Variants in CTNNA2 observed in about 807,000 individuals in gnomAD.
CTNNA2 encodes catenin alpha 2.
CTNNA2 carries 42 observed loss-of-function variants against 101.0 expected under a neutral mutation model. That is an observed-to-expected ratio of 0.42 (90% confidence interval 0.32 to 0.54). The LOEUF (loss-of-function observed/expected upper bound fraction) is 0.54, where lower values mean the gene tolerates loss of function less well. CTNNA2 is among the 20% of genes least tolerant of loss of function. The probability of loss-of-function intolerance (pLI) is 0.14; values close to 1 mark genes in which losing one functional copy is unlikely to be tolerated. For synonymous variants in CTNNA2, 450 were observed against 456.4 expected (o/e 0.99, Z 0.18); for missense variants, 871 against 1,223.1 (o/e 0.71, Z 4.29).
intron 4 of CTNNA2, among the ~76,000 whole-genome samples, chr2:79,402,702 T>C (rs1468270670): frequency 6.6e-6 from 1 of 151,830 alleles, no homozygotes; most frequent in African/African-American, 2.4e-5. Context: ...CTCAATGCAT[T>C]TGGAACATTA....
chr2:79,286,464 C>G (rs1274001409), intron 2 of CTNNA2, among the ~76,000 whole-genome samples: 3 of 151,860 alleles, frequency 2.0e-5, no homozygotes, highest in Non-Finnish European at 4.4e-5. Context: ...GACAAAATCT[C>G]TCAGCATTTG....
At chr2:79,537,755 A>C (rs1246414616) in intron 1 of CTNNA2, among the ~76,000 whole-genome samples, 1 of 151,498 alleles carries the variant, frequency 6.6e-6, no homozygotes, top group African/African-American at 2.4e-5. Context: ...TGCATCCTAG[A>C]ACATAATTTT....
At chr2:80,465,329 A>G (rs1470221720) in intron 9 of CTNNA2, among the ~76,000 whole-genome samples, 2 of 152,190 alleles carry the variant, frequency 1.3e-5, no homozygotes, top group African/African-American at 4.8e-5. Flanking sequence ...ATTATGAATT[A>G]TATTTATTCC....
intron 9 of CTNNA2, among the ~76,000 whole-genome samples, chr2:80,455,144 G>A (rs1442634406): frequency 1.3e-5 from 2 of 152,252 alleles, no homozygotes; most frequent in Non-Finnish European, 2.9e-5. Context: ...TGGTTAGGTT[G>A]GGGTAATGAG....
At position 79,724,295 on chromosome 2, in the gene CTNNA2, A is replaced by T. The variant is rs1004450584; in HGVS notation, c.103-20092A>T. ...AAAAAAACAATACAAAACAAAACAA[A>T]GAAACTGCAAGAAGTTCCCTACAAG... On this transcript the variant is annotated intron_variant, in intron 2 of 18. Coordinates refer to ENST00000402739, the MANE Select transcript of CTNNA2 (RefSeq NM_001282597.3). Among the ~76,000 whole-genome samples, 134 of 151,908 alleles carry T rather than the reference A, an allele frequency of 8.8e-4. 1 individual carries two copies. Among genetic ancestry groups the T allele is most frequent in the African/African-American group, 3.1e-3 (130 of 41,390 alleles).
At chr2:79,634,527 G>A (rs1333070877) in intron 1 of CTNNA2, 3 of 152,162 alleles carry the variant, frequency 2.0e-5, no homozygotes, top group African/African-American at 7.2e-5. Flanking sequence ...CGAATTCACT[G>A]TTCCATCCTC....
chr2:79,407,332 G>T (rs1002045333), intron 4 of CTNNA2, among the ~76,000 whole-genome samples: 2 of 151,912 alleles, frequency 1.3e-5, no homozygotes, highest in African/African-American at 4.8e-5. Flanking sequence ...ACAATGTAGG[G>T]GATAATTCTG....
chr2:80,520,299 C>G (rs1689430403), intron 9 of CTNNA2, among the ~76,000 whole-genome samples: 1 of 151,944 alleles, frequency 6.6e-6, no homozygotes, highest in South Asian at 2.1e-4. Flanking sequence ...TGGCCTGTGC[C>G]ATCCCCTTTT....
intron 2 of CTNNA2, among the ~76,000 whole-genome samples, chr2:79,738,570 A>G (rs544770607): frequency 1.3e-5 from 2 of 152,328 alleles, no homozygotes; most frequent in Admixed American, 6.5e-5. Context: ...ACGGTAATGT[A>G]TGTTCCTTTT....
chr2:80,251,890 G>C (rs1459607747), intron 7 of CTNNA2, among the ~76,000 whole-genome samples: 1 of 152,122 alleles, frequency 6.6e-6, no homozygotes, highest in East Asian at 1.9e-4. Flanking sequence ...TGAAATCCCT[G>C]TTCTAGTAAT....
At chr2:79,846,544 A>G (rs1393501742) in intron 3 of CTNNA2, among the ~76,000 whole-genome samples, 1 of 152,250 alleles carries the variant, frequency 6.6e-6, no homozygotes, top group African/African-American at 2.4e-5. Flanking sequence ...ATCCAAACTG[A>G]TATACAAAGG....
At position 80,360,986 on chromosome 2, in the gene CTNNA2, C is replaced by T. The variant is rs571681263; in HGVS notation, c.1057-32225C>T. On this transcript the variant is annotated intron_variant, in intron 7 of 18. Coordinates refer to ENST00000402739, the MANE Select transcript of CTNNA2 (RefSeq NM_001282597.3). ...TTTTTAAATAGATGATTTTCCAGAA[C>T]CTGATTTTTACCCTGGGAATGGATG... 7.9e-4 allele frequency among the ~76,000 whole-genome samples: 120 copies of T among 151,792 alleles called. 1 individual carries two copies. The highest frequency in any genetic ancestry group is 2.7e-3 in the South Asian group (13 of 4,810).
chr2:80,143,178 G>A (rs1156992726), intron 7 of CTNNA2, among the ~76,000 whole-genome samples: 1 of 152,096 alleles, frequency 6.6e-6, no homozygotes, highest in Non-Finnish European at 1.5e-5. Context: ...TTTGACTTAC[G>A]GCCCAAGTGT....
chr2:80,619,018 G>A, intron 17 of CTNNA2, 67 bp from the exon 18 acceptor site: 1 of 1,045,546 alleles, frequency 9.6e-7, no homozygotes, highest in Non-Finnish European at 1.3e-6. Flanking sequence ...TCCCAAGTAG[G>A]GTACTTTTTT....
intron 1 of CTNNA2, among the ~76,000 whole-genome samples, chr2:79,190,404 TTAAGTC>T (rs1673838255): frequency 6.6e-6 from 1 of 152,098 alleles, no homozygotes; most frequent in Non-Finnish European, 1.5e-5. Context: ...CAACGTCTGT[TTAAGTC>T]TAAGCCCCAT....
intron 1 of CTNNA2, among the ~76,000 whole-genome samples, chr2:79,524,048 C>G (rs1672264825): frequency 6.6e-6 from 1 of 152,012 alleles, no homozygotes; most frequent in Admixed American, 6.6e-5. Flanking sequence ...GTGATGGTTT[C>G]TTTCCCCAAA....
At chr2:80,320,605 A>T (rs1678585279) in intron 7 of CTNNA2, among the ~76,000 whole-genome samples, 1 of 152,214 alleles carries the variant, frequency 6.6e-6, no homozygotes, top group Non-Finnish European at 1.5e-5. Context: ...AAGAGAGGCA[A>T]CCTTAAAAAT....
intron 1 of CTNNA2, among the ~76,000 whole-genome samples, chr2:79,537,228 G>T (rs1673128632): frequency 6.6e-6 from 1 of 152,104 alleles, no homozygotes; most frequent in Non-Finnish European, 1.5e-5. Flanking sequence ...GTTATGTAAT[G>T]ACCACCATTT....
chr2:80,553,649 G>C (rs1460623611), intron 11 of CTNNA2, among the ~76,000 whole-genome samples: 1 of 152,058 alleles, frequency 6.6e-6, no homozygotes, highest in Non-Finnish European at 1.5e-5. Flanking sequence ...GTCCATTCTT[G>C]TATTACTGTT....
Sources: allele counts gnomAD v4.1 joint callset (sites outside exome capture counted in the v4.1 genomes callset), GRCh38; gene constraint gnomAD v4.1.1; transcripts MANE v1.5; gene names NCBI Gene and HGNC (gene_info 2026-07-23, HGNC 2026-07-21).